CDC16: variants seen among roughly 807,000 people sequenced by gnomAD.
CDC16 encodes cell division cycle protein 16 homolog.
Under a neutral mutation model 87.0 loss-of-function variants are expected in CDC16, and 34 were observed. That is an observed-to-expected ratio of 0.39 (90% CI 0.30 to 0.52). CDC16 has a LOEUF of 0.52. Ranked by LOEUF, CDC16 falls within the 20% of genes least tolerant of loss-of-function variation. The pLI is 0.74. For missense variants in CDC16, 653 were observed against 751.9 expected (o/e 0.87, Z 1.54); for synonymous variants, 263 against 260.6 (o/e 1.01, Z -0.09).
intron 12 of CDC16, among the ~76,000 whole-genome samples, chr13:114,254,928 G>A (rs1024163496): frequency 7.2e-5 from 11 of 152,180 alleles, no homozygotes; most frequent in African/African-American, 2.7e-4. Context: ...CTGCTACCTG[G>A]AGGCTTCATC....
At chr13:114,238,228 G>A (rs1321877845) in intron 3 of CDC16, among the ~76,000 whole-genome samples, 1 of 148,694 alleles carries the variant, frequency 6.7e-6, no homozygotes, top group Middle Eastern at 3.6e-3. Flanking sequence ...GAGCTGCTGC[G>A]ATCTCCTCGG....
chr13:114,269,247 C>T (rs911115037), intron 17 of CDC16, among the ~76,000 whole-genome samples: 1 of 152,084 alleles, frequency 6.6e-6, no homozygotes, highest in African/African-American at 2.4e-5. Context: ...CTTTGTAGCA[C>T]GATGTTCCCA....
chr13:114,253,353 G>A lies in CDC16; in HGVS notation c.1097+2679G>A, dbSNP rs545666405. Among the ~76,000 whole-genome samples, 6 of 152,012 alleles carry A rather than the reference G, an allele frequency of 3.9e-5. No homozygotes were observed. In the South Asian group the frequency reaches 6.3e-4, roughly 16 times the overall value. ...TGTTGTTTTTTAACTTAATTCCATT[G>A]TAGTTAGAGAACATACTTCGTGTGA... On this transcript the variant is annotated intron_variant, in intron 12 of 17. Transcript: ENST00000356221.
At position 114,239,340 on chromosome 13, in the gene CDC16, T is replaced by C; in HGVS notation, c.241-10T>C. On this transcript the variant is annotated splice_polypyrimidine_tract_variant and intron_variant, in intron 4 of 17. Transcript: ENST00000356221. Reference sequence around the variant, plus strand: ...GTGAGTGATGAGCGGCACTTCTGTTTTCCACGTAGTATGCTGCAAAAGAGC... The same window carrying C: ...GTGAGTGATGAGCGGCACTTCTGTTCTCCACGTAGTATGCTGCAAAAGAGC... The C allele has an allele frequency of 1.3e-6, 2 of 1,587,894 alleles. No individual in the cohort carries two copies. Among genetic ancestry groups the C allele is most frequent in the South Asian group, 1.1e-5 (1 of 88,778 alleles).
At chr13:114,237,194 G>GTT in intron 3 of CDC16, among the ~76,000 whole-genome samples, 1 of 151,646 alleles carries the variant, frequency 6.6e-6, no homozygotes, top group African/African-American at 2.4e-5. Flanking sequence ...TTGCACTCCA[G>GTT]CCTGGACAAC....
At chr13:114,254,767 G>T (rs760407531) in intron 12 of CDC16, among the ~76,000 whole-genome samples, 15 of 152,118 alleles carry the variant, frequency 9.9e-5, no homozygotes, top group Non-Finnish European at 1.9e-4. Context: ...CCTCCTCTAG[G>T]CCAGGGCCGT....
chr13:114,242,154 A>G lies in CDC16; in HGVS notation c.415A>G (p.Ile139Val). 1 of 1,612,122 alleles carries G rather than the reference A, an allele frequency of 6.2e-7. No homozygotes were observed. Among genetic ancestry groups the G allele is most frequent in the Middle Eastern group, 1.7e-4 (1 of 6,060 alleles). Residue 139 changes from isoleucine (I) to valine (V), a missense_variant, in exon 6 of 18, where the codon ATC becomes GTC. Physicochemically the swap from Ile to Val is conservative, Grantham distance 29. Coordinates refer to ENST00000356221, the MANE Select transcript of CDC16 (RefSeq NM_001078645.3). ...TTCTATCTGTCTTCTACGCGGGAAA[A>G]TCTATGATGCTCTAGATAACCGAAC... Reference protein sequence around the residue: ...KSSICLLRGKIYDALDNRTLA... With the variant: ...KSSICLLRGKVYDALDNRTLA...
intron 11 of CDC16, chr13:114,247,219 C>T: frequency 3.7e-6 from 2 of 544,768 alleles, no homozygotes; most frequent in Non-Finnish European, 6.5e-6. Context: ...ACTCTGTTGC[C>T]CAGACTAGAG....
chr13:114,266,544 T>C (rs1020954692), intron 17 of CDC16, among the ~76,000 whole-genome samples: 1 of 152,236 alleles, frequency 6.6e-6, no homozygotes, highest in African/African-American at 2.4e-5. Flanking sequence ...ACTGATGCAC[T>C]TGTGTGGTAG....
At position 114,239,000 on chromosome 13, in the gene CDC16, C is replaced by T; in HGVS notation, c.212C>T (p.Ala71Val). ...RSRKLDKLYE[A>V]CRYLAARCHY... is the part of the protein sequence containing the mutation. ...TAATTTCTTTCCTAGTTGTATGAAG[C>T]ATGTCGTTACCTTGCAGCTAGGTGC... Residue 71 changes from alanine (A) to valine (V), a missense_variant, in exon 4 of 18, where the codon GCA (alanine) becomes GTA (valine). Ala to Val is a moderately conservative substitution (Grantham distance 64). Transcript: ENST00000356221. 6.2e-7 allele frequency: 1 copy of T among 1,611,436 alleles called. No individual in the cohort carries two copies. The highest frequency in any genetic ancestry group is 8.5e-7 in the Non-Finnish European group (1 of 1,178,488).
Position 114,265,134 on chromosome 13 carries a change from G to A in CDC16, c.1513-16G>A, listed in dbSNP as rs201234093. The A allele has an allele frequency of 9.3e-5, 144 of 1,542,670 alleles. No homozygotes were observed. Among genetic ancestry groups the A allele is most frequent in the Non-Finnish European group, 1.1e-4 (126 of 1,115,206 alleles). On this transcript the variant is annotated splice_polypyrimidine_tract_variant and intron_variant, in intron 16 of 17. Coordinates refer to ENST00000356221, the MANE Select transcript of CDC16 (RefSeq NM_001078645.3). ...TATGTTTTCTTTTAATAACCATGCT[G>A]AATCTTTTATGGCAGGCCCTTGGTC...
Position 114,257,050 on chromosome 13 carries a change from G to T in CDC16, c.1098-28G>T, listed in dbSNP as rs989265912. 5 of 1,478,182 alleles carry T rather than the reference G, an allele frequency of 3.4e-6. No individual in the cohort carries two copies. In the African/African-American group the frequency reaches 5.6e-5, roughly 17 times the overall value. The allele number at this position is 1,478,182 out of a possible 1,614,324, so 91.6% of individuals were successfully genotyped here. A position where few individuals can be genotyped will look rare whatever the true frequency, so the allele number is the denominator to read the frequency against. On this transcript the variant is annotated intron_variant, in intron 12 of 17. Coordinates refer to ENST00000356221, the MANE Select transcript of CDC16 (RefSeq NM_001078645.3). The stretch of plus-strand genomic sequence containing the variant: ...CTGCTAAATCACAGTTTTTGGTGTT[G>T]AATATGTGAAATTTTCCAATTTTTT...
At chr13:114,270,573 G>A (rs114530218) in intron 17 of CDC16, among the ~76,000 whole-genome samples, 2,648 of 151,806 alleles carry the variant, frequency 0.017, 50 homozygotes, top group African/African-American at 0.047. Context: ...CCAGGAGTGG[G>A]CACAGGGTCT....
At chr13:114,249,895 C>G (rs1194220469) in intron 11 of CDC16, among the ~76,000 whole-genome samples, 2 of 152,138 alleles carry the variant, frequency 1.3e-5, no homozygotes, top group East Asian at 3.9e-4. Context: ...TAAAATTTTG[C>G]TATACTATTA....
At chr13:114,267,461 A>T (rs958627507) in intron 17 of CDC16, among the ~76,000 whole-genome samples, 1 of 148,788 alleles carries the variant, frequency 6.7e-6, no homozygotes, top group Non-Finnish European at 1.5e-5. Flanking sequence ...AGATTGTGCC[A>T]CTGCACTCCA....
rs1566626054 is a variant in CDC16, at chr13:114,234,999, G to GCA, written c.-86_-85insCA. Reference sequence around the variant, plus strand: ...GGGCGGCGGCGGCGGCTGCAGGCACGGGCACGGGCACGGGGCGGGGTGCTT... The same window carrying GCA: ...GGGCGGCGGCGGCGGCTGCAGGCACGCAGGCACGGGCACGGGGCGGGGTGCTT... On this transcript the variant is annotated 5_prime_UTR_variant, in exon 1 of 18. Transcript: ENST00000356221. The GCA allele has an allele frequency of 1.1e-4, 108 of 991,888 alleles. No individual in the cohort carries two copies. The Middle Eastern group carries it at 2.2e-3, about 20-fold the overall frequency. 61.4% of individuals were successfully genotyped at this position (991,888 alleles called of 1,614,324 possible). A position where few individuals can be genotyped will look rare whatever the true frequency, so the allele number is the denominator to read the frequency against.
Position 114,238,645 on chromosome 13 carries a change from C to CCACTTACTCGCTGCCT in CDC16, c.202-332_202-317dup, listed in dbSNP as rs1202133645. On this transcript the variant is annotated intron_variant, in intron 3 of 17. Coordinates refer to ENST00000356221, the MANE Select transcript of CDC16 (RefSeq NM_001078645.3). ...CCCAGTGCTCCACTCCTCTGCCTGA[C>CCACTTACTCGCTGCCT]CACTTACTCGCTGCCTCACTTACTC... Among the ~76,000 whole-genome samples the CCACTTACTCGCTGCCT allele has an allele frequency of 3.9e-5, 6 of 152,348 alleles. 1 individual carries two copies. In the South Asian group the frequency reaches 6.2e-4, roughly 16 times the overall value.
At chr13:114,264,440 C>T (rs1347509315) in intron 16 of CDC16, among the ~76,000 whole-genome samples, 1 of 151,976 alleles carries the variant, frequency 6.6e-6, no homozygotes, top group South Asian at 2.1e-4. Context: ...CAGCTACTAG[C>T]CCTGCGCCCG....
intron 12 of CDC16, among the ~76,000 whole-genome samples, chr13:114,251,231 A>G (rs1272866833): frequency 2.0e-5 from 3 of 152,160 alleles, no homozygotes; most frequent in African/African-American, 7.2e-5. Context: ...CTGGAGAGGT[A>G]GTGGGAGTGC....
Sources: gnomAD v4.1 joint callset for allele counts (sites outside exome capture counted in the v4.1 genomes callset) on GRCh38, gnomAD v4.1.1 for gene constraint, MANE v1.5 for transcripts, NCBI Gene and HGNC (gene_info 2026-07-23, HGNC 2026-07-21) for gene names.